Variants in PRKD1 observed in about 807,000 individuals in gnomAD.
The protein encoded by PRKD1 is serine/threonine-protein kinase D1.
In PRKD1, 63 loss-of-function variants were observed where a neutral mutation model predicts 95.9. That is an observed-to-expected ratio of 0.66 (90% CI 0.54 to 0.81). The LOEUF (loss-of-function observed/expected upper bound fraction) is 0.81. Ranked by LOEUF, PRKD1 falls within the 30% of genes least tolerant of loss-of-function variation. PRKD1 has a pLI of 0.00. For synonymous variants in PRKD1, 425 were observed against 423.1 expected (o/e 1.00, Z -0.05); for missense variants, 1,048 against 1,165.3 (o/e 0.90, Z 1.47).
chr14:29,811,919 C>T (rs950178506), intron 1 of PRKD1: 2 of 152,212 alleles, frequency 1.3e-5, no homozygotes, highest in South Asian at 4.1e-4. Flanking sequence ...CAGGCCTCTG[C>T]CCACTTCTTT....
chr14:29,644,586 C>T (rs1881003915), intron 4 of PRKD1, among the ~76,000 whole-genome samples: 2 of 146,522 alleles, frequency 1.4e-5, no homozygotes, highest in Non-Finnish European at 3.0e-5. Context: ...ATGTCAGCAA[C>T]TGAAAAAAAA....
chr14:29,648,377 G>C (rs1020602793), intron 4 of PRKD1, among the ~76,000 whole-genome samples: 3 of 151,488 alleles, frequency 2.0e-5, no homozygotes, highest in Non-Finnish European at 4.4e-5. Context: ...TTGAGTAGTA[G>C]TATGCTTTGT....
chr14:29,670,748 G>T (rs1023099461), intron 2 of PRKD1, among the ~76,000 whole-genome samples: 1 of 151,964 alleles, frequency 6.6e-6, no homozygotes, highest in Admixed American at 6.6e-5. Context: ...ATTTTTTCCT[G>T]CTTCTCTGTT....
At chr14:29,635,394 T>C (rs1379970614) in intron 7 of PRKD1, among the ~76,000 whole-genome samples, 1 of 152,118 alleles carries the variant, frequency 6.6e-6, no homozygotes, top group African/African-American at 2.4e-5. Context: ...ATGCAAACTC[T>C]TTGGTACTAA....
At chr14:29,762,867 C>T (rs1888062852) in intron 1 of PRKD1, among the ~76,000 whole-genome samples, 1 of 152,132 alleles carries the variant, frequency 6.6e-6, no homozygotes, top group East Asian at 1.9e-4. Flanking sequence ...CCTCAGCTTC[C>T]TAAGTATTTG....
chr14:29,908,475 C>T lies in PRKD1; in HGVS notation c.264+18774G>A, dbSNP rs187881592. Among the ~76,000 whole-genome samples, 484 of 151,776 alleles carry T rather than the reference C, an allele frequency of 3.2e-3. 1 individual carries two copies. Among genetic ancestry groups the T allele is most frequent in the African/African-American group, 0.011 (468 of 41,408 alleles). On this transcript the variant is annotated intron_variant, in intron 1 of 17. Transcript: ENST00000331968. ...CACCTGGCTAATTTTTCCGTAGAGA[C>T]GGGGTTTCACTATGTTGGCCAGGCT...
intron 1 of PRKD1, among the ~76,000 whole-genome samples, chr14:29,839,647 C>A (rs1376020573): frequency 6.6e-6 from 1 of 152,048 alleles, no homozygotes; most frequent in Non-Finnish European, 1.5e-5. Flanking sequence ...GGGCCCTGCC[C>A]TGAAGCAAAC....
chr14:29,613,294 A>G (rs1220991888), intron 13 of PRKD1, among the ~76,000 whole-genome samples: 1 of 152,200 alleles, frequency 6.6e-6, no homozygotes, highest in Non-Finnish European at 1.5e-5. Flanking sequence ...CCAGTTTCCA[A>G]AAATTTTCAT....
At chr14:29,818,540 G>T (rs1890781344) in intron 1 of PRKD1, among the ~76,000 whole-genome samples, 1 of 150,658 alleles carries the variant, frequency 6.6e-6, no homozygotes, top group Non-Finnish European at 1.5e-5. Context: ...CAATTAATTG[G>T]TCAAAATATG....
At chr14:29,760,826 T>C (rs912710444) in intron 1 of PRKD1, among the ~76,000 whole-genome samples, 1 of 152,218 alleles carries the variant, frequency 6.6e-6, no homozygotes. Flanking sequence ...AATCTTCCTG[T>C]TTATGTTTGG....
chr14:29,843,760 C>A (rs116118341), intron 1 of PRKD1, among the ~76,000 whole-genome samples: 2,295 of 151,956 alleles, frequency 0.015, 55 homozygotes, highest in African/African-American at 0.047. Flanking sequence ...ATGAATAGAC[C>A]TAATAATAAA....
At chr14:29,679,915 A>AGG (rs1883442856) in intron 2 of PRKD1, among the ~76,000 whole-genome samples, 1 of 152,076 alleles carries the variant, frequency 6.6e-6, no homozygotes, top group Non-Finnish European at 1.5e-5. Context: ...GAAGGTACAA[A>AGG]TCTTGGCTTG....
intron 1 of PRKD1, among the ~76,000 whole-genome samples, chr14:29,799,453 C>T (rs1481980629): frequency 1.3e-5 from 2 of 152,232 alleles, no homozygotes; most frequent in Non-Finnish European, 2.9e-5. Flanking sequence ...CTAAAGAAAG[C>T]ATACTGCCAT....
At chr14:29,732,351 A>G (rs1886481584) in intron 1 of PRKD1, among the ~76,000 whole-genome samples, 1 of 148,564 alleles carries the variant, frequency 6.7e-6, no homozygotes, top group Non-Finnish European at 1.5e-5. Flanking sequence ...CTCCTGGTTT[A>G]TTTGTATAAT....
At chr14:29,861,932 G>T (rs1048647537) in intron 1 of PRKD1, among the ~76,000 whole-genome samples, 8 of 152,084 alleles carry the variant, frequency 5.3e-5, no homozygotes, top group Non-Finnish European at 1.2e-4. Flanking sequence ...GATTATAGTC[G>T]TGAGCCACTG....
chr14:29,646,585 A>G (rs1369401170), intron 4 of PRKD1, among the ~76,000 whole-genome samples: 1 of 151,912 alleles, frequency 6.6e-6, no homozygotes, highest in Non-Finnish European at 1.5e-5. Flanking sequence ...TTTTTTCAGG[A>G]CACTTCAGTC....
At chr14:29,926,573 G>C (rs576417110) in intron 1 of PRKD1, among the ~76,000 whole-genome samples, 4 of 151,886 alleles carry the variant, frequency 2.6e-5, no homozygotes, top group African/African-American at 7.2e-5. Context: ...AGCCAGCCTC[G>C]GGGTGTTCCT....
intron 4 of PRKD1, among the ~76,000 whole-genome samples, chr14:29,662,402 T>C (rs1476770790): frequency 6.6e-6 from 1 of 152,152 alleles, no homozygotes; most frequent in East Asian, 1.9e-4. Flanking sequence ...AAGAATATCA[T>C]AATTTCAATT....
intron 1 of PRKD1, among the ~76,000 whole-genome samples, chr14:29,833,923 A>G (rs1040831247): frequency 1.3e-5 from 2 of 152,054 alleles, no homozygotes; most frequent in Non-Finnish European, 2.9e-5. Context: ...AAAGCTCTCA[A>G]GAGAGTAGCT....
Sources: allele counts gnomAD v4.1 joint callset (sites outside exome capture counted in the v4.1 genomes callset), GRCh38; gene constraint gnomAD v4.1.1; transcripts MANE v1.5; gene names NCBI Gene and HGNC (gene_info 2026-07-23, HGNC 2026-07-21).